The following NCOA2 variants were observed in gnomAD, a reference collection of about 807,000 sequenced individuals.
NCOA2 encodes the protein nuclear receptor coactivator 2.
NCOA2 carries 21 observed loss-of-function variants against 145.1 expected under a neutral mutation model. The observed-to-expected ratio is 0.14, with a 90% CI of 0.10 to 0.21. The LOEUF (loss-of-function observed/expected upper bound fraction) is 0.21, where lower values mean the gene tolerates loss of function less well. Among genes scored for constraint, NCOA2 ranks in the 10% least tolerant of loss-of-function variants. The probability of loss-of-function intolerance (pLI) is 1.00; values close to 1 mark genes in which losing one functional copy is unlikely to be tolerated. For missense variants in NCOA2, 1,472 were observed against 1,837.6 expected (o/e 0.80, Z 3.64); for synonymous variants, 619 against 637.5 (o/e 0.97, Z 0.44).
intron 2 of NCOA2, among the ~76,000 whole-genome samples, chr8:70,267,163 T>C (rs957509829): frequency 4.6e-5 from 7 of 152,188 alleles, no homozygotes; most frequent in African/African-American, 1.4e-4. Context: ...TCTGGCCATA[T>C]TACTTTCTCT....
At chr8:70,454,981 A>T in the NCOA2 span, among the ~76,000 whole-genome samples, 1 of 152,232 alleles carries the variant, frequency 6.6e-6, no homozygotes, top group Non-Finnish European at 1.5e-5. Context: ...AAATAGAAGT[A>T]CTACATACAT....
intron 15 of NCOA2, among the ~76,000 whole-genome samples, chr8:70,135,061 C>A (rs115177939): frequency 6.6e-6 from 1 of 152,120 alleles, no homozygotes; most frequent in Admixed American, 6.5e-5. Context: ...TGGTGGGTAA[C>A]GCCTAACCTT....
intron 2 of NCOA2, among the ~76,000 whole-genome samples, chr8:70,243,550 A>C (rs1053867935): frequency 6.6e-6 from 1 of 152,116 alleles, no homozygotes; most frequent in African/African-American, 2.4e-5. Context: ...TTATTACAAA[A>C]GTCTTGGCTC....
chr8:70,178,036 ATCTT>A (rs770238338), intron 4 of NCOA2, among the ~76,000 whole-genome samples: 6 of 152,216 alleles, frequency 3.9e-5, no homozygotes, highest in Non-Finnish European at 7.3e-5. Flanking sequence ...GGGTATGATA[ATCTT>A]TCTGAGGATC....
At chr8:70,259,052 T>C (rs1823888276) in intron 2 of NCOA2, among the ~76,000 whole-genome samples, 1 of 152,238 alleles carries the variant, frequency 6.6e-6, no homozygotes, top group African/African-American at 2.4e-5. Flanking sequence ...CTGGCATTTT[T>C]ATGCAGACAG....
intron 1 of NCOA2, among the ~76,000 whole-genome samples, chr8:70,368,191 T>C (rs1400090343): frequency 1.3e-5 from 2 of 152,218 alleles, no homozygotes; most frequent in East Asian, 3.8e-4. Context: ...ATGTGGCTTA[T>C]TCTTCTATGC....
chr8:70,147,567 C>T (rs1233133563), intron 12 of NCOA2, among the ~76,000 whole-genome samples: 1 of 152,186 alleles, frequency 6.6e-6, no homozygotes, highest in Non-Finnish European at 1.5e-5. Flanking sequence ...CAGACAACTT[C>T]AGGTATTAAT....
At chr8:70,186,114 T>G (rs1816045568) in intron 4 of NCOA2, among the ~76,000 whole-genome samples, 1 of 152,108 alleles carries the variant, frequency 6.6e-6, no homozygotes, top group Non-Finnish European at 1.5e-5. Context: ...AAACCCATCT[T>G]GGGGAAAGGA....
At chr8:70,259,657 T>C (rs1303731517) in intron 2 of NCOA2, among the ~76,000 whole-genome samples, 1 of 152,192 alleles carries the variant, frequency 6.6e-6, no homozygotes, top group Non-Finnish European at 1.5e-5. Context: ...TTACCATGAT[T>C]TAAATATATA....
chr8:70,171,977 T>C (rs1200013709), intron 5 of NCOA2, among the ~76,000 whole-genome samples: 1 of 152,034 alleles, frequency 6.6e-6, no homozygotes, highest in Non-Finnish European at 1.5e-5. Context: ...GCATGTACCA[T>C]TACAAACTTG....
At chr8:70,125,170 A>G (rs995536757) in intron 19 of NCOA2, among the ~76,000 whole-genome samples, 6 of 152,044 alleles carry the variant, frequency 3.9e-5, no homozygotes, top group African/African-American at 1.5e-4. Flanking sequence ...CCAAATCAAG[A>G]ATGAGTCACA....
chr8:70,272,409 T>C (rs1306467588), intron 2 of NCOA2, among the ~76,000 whole-genome samples: 1 of 152,244 alleles, frequency 6.6e-6, no homozygotes, highest in African/African-American at 2.4e-5. Flanking sequence ...TATCTACGTG[T>C]CTCCTCTACT....
intron 1 of NCOA2, among the ~76,000 whole-genome samples, chr8:70,298,542 T>C (rs182075846): frequency 2.4e-4 from 36 of 152,328 alleles, no homozygotes; most frequent in African/African-American, 7.2e-4. Context: ...TTTCTAACAC[T>C]ACTGGGATAA....
chr8:70,382,377 G>A (rs1423059673), intron 1 of NCOA2, among the ~76,000 whole-genome samples: 1 of 152,054 alleles, frequency 6.6e-6, no homozygotes, highest in African/African-American at 2.4e-5. Flanking sequence ...TAGAATAAAG[G>A]GTTGTTTAGC....
intron 4 of NCOA2, among the ~76,000 whole-genome samples, chr8:70,207,148 AT>A (rs1431185470): frequency 2.0e-5 from 3 of 152,154 alleles, no homozygotes; most frequent in Non-Finnish European, 4.4e-5. Flanking sequence ...TTGAATGAAT[AT>A]TTACTCTTGA....
chr8:70,404,503 C>T (rs1387235816), upstream of NCOA2, among the ~76,000 whole-genome samples: 1 of 152,210 alleles, frequency 6.6e-6, no homozygotes, highest in South Asian at 2.1e-4. Flanking sequence ...CGCTGCTCCC[C>T]GGAGGCGCCC....
intron 2 of NCOA2, among the ~76,000 whole-genome samples, chr8:70,295,532 T>C (rs1415945930): frequency 6.6e-6 from 1 of 152,194 alleles, no homozygotes; most frequent in African/African-American, 2.4e-5. Flanking sequence ...ATCTTCTTAA[T>C]TCTACCCTGA....
At chr8:70,296,466 T>C (rs1327668617) in intron 2 of NCOA2, among the ~76,000 whole-genome samples, 4 of 152,210 alleles carry the variant, frequency 2.6e-5, no homozygotes. Flanking sequence ...GAAATTAGAA[T>C]AAACTGTAAT....
intron 1 of NCOA2, among the ~76,000 whole-genome samples, chr8:70,321,277 T>C (rs1169365367): frequency 6.6e-6 from 1 of 152,162 alleles, no homozygotes; most frequent in African/African-American, 2.4e-5. Flanking sequence ...GATATGTTAA[T>C]TAGCTTGATT....
Sources: allele counts gnomAD v4.1 joint callset (sites outside exome capture counted in the v4.1 genomes callset), GRCh38; gene constraint gnomAD v4.1.1; transcripts MANE v1.5; gene names NCBI Gene and HGNC (gene_info 2026-07-23, HGNC 2026-07-21).